The following PPP1R9A variants were observed in gnomAD, a reference collection of about 807,000 sequenced individuals.
PPP1R9A encodes the protein protein phosphatase 1 regulatory subunit 9A.
A neutral mutation model predicts 141.9 loss-of-function variants in PPP1R9A; 59 were observed. The observed-to-expected ratio is 0.42, with a 90% CI of 0.34 to 0.52. The LOEUF is 0.52. Ranked by LOEUF, PPP1R9A falls within the 20% of genes least tolerant of loss-of-function variation. PPP1R9A has a pLI of 0.10. For missense variants in PPP1R9A, 1,444 were observed against 1,611.9 expected (o/e 0.90, Z 1.78); for synonymous variants, 500 against 569.7 (o/e 0.88, Z 1.74).
At chr7:95,151,576 C>T (rs1271832178) in intron 4 of PPP1R9A, among the ~76,000 whole-genome samples, 1 of 151,938 alleles carries the variant, frequency 6.6e-6, no homozygotes, top group Non-Finnish European at 1.5e-5. Flanking sequence ...TTGTCAAAAC[C>T]CGTAGAATGT....
At chr7:95,199,825 A>G (rs1376480956) in intron 6 of PPP1R9A, among the ~76,000 whole-genome samples, 2 of 152,144 alleles carry the variant, frequency 1.3e-5, no homozygotes, top group Non-Finnish European at 2.9e-5. Context: ...CTGGTTTTCA[A>G]TTCTTTACAT....
intron 8 of PPP1R9A, among the ~76,000 whole-genome samples, chr7:95,244,882 A>T (rs1279075543): frequency 2.0e-5 from 3 of 152,184 alleles, no homozygotes; most frequent in African/African-American, 7.2e-5. Context: ...ATCATCCAAT[A>T]AGGAAGGTTA....
intron 7 of PPP1R9A, among the ~76,000 whole-genome samples, chr7:95,216,318 G>C (rs1480470731): frequency 1.3e-5 from 2 of 152,108 alleles, no homozygotes; most frequent in African/African-American, 2.4e-5. Context: ...CTGTTCCATT[G>C]GTCTATATGT....
At chr7:95,286,472 C>A in intron 18 of PPP1R9A, 147 bp downstream of exon 18, 1 of 1,350,122 alleles carries the variant, frequency 7.4e-7, no homozygotes, top group African/African-American at 1.5e-5. Flanking sequence ...TTCATGATTT[C>A]TCTCCCTCCC....
At chr7:95,226,150 C>G (rs1795118471) in intron 8 of PPP1R9A, 34 bp downstream of exon 8, 5 of 1,575,538 alleles carry the variant, frequency 3.2e-6, no homozygotes, top group Non-Finnish European at 3.5e-6. Context: ...TTTCTTTATG[C>G]CTGTCCATTT....
Position 94,910,295 on chromosome 7 carries a change from C to G in PPP1R9A, c.182C>G (p.Ser61Cys). Residue 61 changes from serine to cysteine, a missense_variant, in exon 2 of 20, where the codon TCC becomes TGC. Ser to Cys is a moderately radical substitution (Grantham distance 112). Coordinates refer to ENST00000433360, the MANE Select transcript of PPP1R9A (RefSeq NM_001166160.2). The surrounding 1 kb of genome is among the most constrained non-coding windows in gnomAD (Gnocchi z 4.5). ...CAGAGCAGGGGGAGGAAATATGGCTCCAATGTCAACAGAATTAAAAACCTA... is the reference window on the plus strand; with the variant it reads ...CAGAGCAGGGGGAGGAAATATGGCTGCAATGTCAACAGAATTAAAAACCTA... Reference protein sequence around the residue: ...SQQSRGRKYGSNVNRIKNLFM... With the variant: ...SQQSRGRKYGCNVNRIKNLFM... 1.2e-6 allele frequency: 2 copies of G among 1,613,900 alleles called. No individual in the cohort carries two copies. Among genetic ancestry groups the G allele is most frequent in the Non-Finnish European group, 1.7e-6 (2 of 1,179,990 alleles).
chr7:95,093,547 T>G (rs1817631632), intron 2 of PPP1R9A, among the ~76,000 whole-genome samples: 1 of 152,194 alleles, frequency 6.6e-6, no homozygotes, highest in East Asian at 1.9e-4. Context: ...TTATGAGTTC[T>G]TCCAAACTAG....
chr7:95,034,131 A>T (rs921810730), intron 2 of PPP1R9A, among the ~76,000 whole-genome samples: 1 of 152,228 alleles, frequency 6.6e-6, no homozygotes, highest in East Asian at 1.9e-4. Context: ...TCTTCAATCC[A>T]TATAAATAGT....
At chr7:94,941,521 G>A (rs1005687242) in intron 2 of PPP1R9A, among the ~76,000 whole-genome samples, 2 of 151,926 alleles carry the variant, frequency 1.3e-5, no homozygotes, top group African/African-American at 4.8e-5. Context: ...AAGAAAGTGT[G>A]TTTGCATACT....
chr7:95,285,933 C>A (rs1805230930), intron 17 of PPP1R9A, among the ~76,000 whole-genome samples: 1 of 152,174 alleles, frequency 6.6e-6, no homozygotes, highest in Admixed American at 6.5e-5. Context: ...TGAGCAGTTG[C>A]AGAGGATAAT....
chr7:94,931,271 G>A (rs1794122563), intron 2 of PPP1R9A, among the ~76,000 whole-genome samples: 1 of 152,138 alleles, frequency 6.6e-6, no homozygotes, highest in Admixed American at 6.5e-5. Flanking sequence ...TTCAGATAAT[G>A]TTCTGGTAAC....
Position 95,295,341 on chromosome 7 carries a change from T to G in PPP1R9A, c.*5038T>G, listed in dbSNP as rs1459436012. On this transcript the variant is annotated 3_prime_UTR_variant, in exon 20 of 20. Transcript: ENST00000433360. ...TATATATTTTGGTAAAATTGATTTATCAGATACTTGGTATTTTAGTAAGAA... is the reference window on the plus strand; with the variant it reads ...TATATATTTTGGTAAAATTGATTTAGCAGATACTTGGTATTTTAGTAAGAA... 6.6e-6 allele frequency: 1 copy of G among 152,662 alleles called. No individual in the cohort carries two copies. Among genetic ancestry groups the G allele is most frequent in the Non-Finnish European group, 1.5e-5 (1 of 68,040 alleles). The allele number at this position is 152,662 out of a possible 1,614,324, so 9.5% of individuals were successfully genotyped here.
At chr7:95,110,349 C>T (rs111349708) in intron 2 of PPP1R9A, among the ~76,000 whole-genome samples, 2 of 152,106 alleles carry the variant, frequency 1.3e-5, no homozygotes, top group African/African-American at 4.8e-5. Flanking sequence ...AAAATCTAAT[C>T]CTAGATTTTA....
chr7:95,063,213 T>C (rs1208165383), intron 2 of PPP1R9A, among the ~76,000 whole-genome samples: 1 of 152,186 alleles, frequency 6.6e-6, no homozygotes, highest in Non-Finnish European at 1.5e-5. Context: ...ATTGTAAGAA[T>C]GTTTCATGTC....
intron 6 of PPP1R9A, among the ~76,000 whole-genome samples, chr7:95,202,288 G>T (rs1379002054): frequency 6.6e-6 from 1 of 151,496 alleles, no homozygotes; most frequent in Non-Finnish European, 1.5e-5. Flanking sequence ...TTTAAAATAA[G>T]CAAACAGCCA....
intron 4 of PPP1R9A, among the ~76,000 whole-genome samples, chr7:95,140,635 C>T (rs1826494636): frequency 6.6e-6 from 1 of 152,188 alleles, no homozygotes; most frequent in Admixed American, 6.5e-5. Flanking sequence ...AAGTGGTCTA[C>T]CTATCTGAGG....
intron 2 of PPP1R9A, chr7:95,018,120 T>C (rs1805371464): frequency 5.6e-6 from 1 of 177,978 alleles, no homozygotes; most frequent in Non-Finnish European, 1.3e-5. Context: ...GCAAACTTAA[T>C]CATTGCCTAG....
intron 2 of PPP1R9A, among the ~76,000 whole-genome samples, chr7:95,075,169 A>G (rs1290259673): frequency 6.6e-6 from 1 of 152,146 alleles, no homozygotes; most frequent in African/African-American, 2.4e-5. Context: ...AGATTGTTCC[A>G]ATTTTTATGT....
intron 2 of PPP1R9A, among the ~76,000 whole-genome samples, chr7:94,915,968 G>A (rs1792025671): frequency 6.6e-6 from 1 of 152,198 alleles, no homozygotes; most frequent in African/African-American, 2.4e-5. Context: ...ATCAGTCCAG[G>A]CATAATGGTG....
Sources: gnomAD v4.1 joint callset for allele counts (sites outside exome capture counted in the v4.1 genomes callset) on GRCh38, gnomAD v4.1.1 for gene constraint, Gnocchi (gnomAD v3.1) non-coding constraint, MANE v1.5 for transcripts, NCBI Gene and HGNC (gene_info 2026-07-23, HGNC 2026-07-21) for gene names.